SNAP91: variants seen among roughly 807,000 people sequenced by gnomAD.
SNAP91 encodes the protein clathrin coat assembly protein AP180.
SNAP91 carries 27 observed loss-of-function variants against 100.3 expected under a neutral mutation model. That is an observed-to-expected ratio of 0.27 (90% CI 0.20 to 0.37). The LOEUF is 0.37. Among genes scored for constraint, SNAP91 ranks in the 10% least tolerant of loss-of-function variants. The pLI is 1.00. For missense variants in SNAP91, 986 were observed against 1,123.7 expected (o/e 0.88, Z 1.75); for synonymous variants, 404 against 398.6 (o/e 1.01, Z -0.16).
chr6:83,611,861 TA>T (rs1349585968), intron 11 of SNAP91, among the ~76,000 whole-genome samples: 4 of 118,694 alleles, frequency 3.4e-5, no homozygotes, highest in African/African-American at 1.4e-4. Context: ...CACGCCCGGC[TA>T]ATTTTTTTTT....
Position 83,591,224 on chromosome 6 carries a change from T to C in SNAP91, c.2001A>G (p.Ala667=), listed in dbSNP as rs1562243335. The C allele has an allele frequency of 6.2e-7, 1 of 1,608,812 alleles. No individual in the cohort carries two copies. The change falls in exon 22 of 30, where the codon GCA becomes GCG. Residue 667 remains alanine, a synonymous_variant. Coordinates refer to ENST00000369694, the MANE Select transcript of SNAP91 (RefSeq NM_001242792.2). The stretch of plus-strand genomic sequence containing the variant: ...TAATTTAATTACCAGCTAGTAGGTC[T>C]GCCGATGCTGATGAACTAGAAGCAG... ...SQAASSSSAS[A]DLLAGFGGSF...
intron 2 of SNAP91, among the ~76,000 whole-genome samples, chr6:83,688,132 T>C (rs1163686808): frequency 1.3e-5 from 2 of 152,202 alleles, no homozygotes; most frequent in Admixed American, 1.3e-4. Context: ...CCATAGCCTC[T>C]GCATCAGAAT....
chr6:83,613,511 C>G (rs1440347464), intron 11 of SNAP91, among the ~76,000 whole-genome samples: 1 of 152,226 alleles, frequency 6.6e-6, no homozygotes, highest in African/African-American at 2.4e-5. Flanking sequence ...ACCAGAGGTG[C>G]TCCAATGGGG....
At chr6:83,618,992 T>TAAAAC (rs199847021) in intron 9 of SNAP91, among the ~76,000 whole-genome samples, 99 of 151,726 alleles carry the variant, frequency 6.5e-4, no homozygotes, top group Middle Eastern at 3.4e-3. Context: ...CTTAGTTACC[T>TAAAAC]AAAACAAAAC....
chr6:83,648,630 C>T (rs2098063881), intron 7 of SNAP91, among the ~76,000 whole-genome samples: 1 of 152,024 alleles, frequency 6.6e-6, no homozygotes, highest in Non-Finnish European at 1.5e-5. Flanking sequence ...TACTTGATAC[C>T]ATCAGTAGTT....
intron 8 of SNAP91, among the ~76,000 whole-genome samples, chr6:83,628,270 G>C (rs1409313004): frequency 8.0e-6 from 1 of 124,360 alleles, no homozygotes; most frequent in Non-Finnish European, 1.7e-5. Context: ...TCCATTCATT[G>C]ATAGGTAGGC....
At chr6:83,664,150 C>T (rs534558884) in intron 3 of SNAP91, among the ~76,000 whole-genome samples, 6 of 152,200 alleles carry the variant, frequency 3.9e-5, no homozygotes, top group African/African-American at 1.4e-4. Flanking sequence ...TGCACCTTGT[C>T]ACCATAAGAG....
intron 7 of SNAP91, among the ~76,000 whole-genome samples, chr6:83,645,000 T>C (rs2097858913): frequency 6.6e-6 from 1 of 152,150 alleles, no homozygotes; most frequent in Non-Finnish European, 1.5e-5. Context: ...ATTCCCAAAC[T>C]AAAGTCCCCA....
chr6:83,620,750 C>T (rs550821131), intron 9 of SNAP91, among the ~76,000 whole-genome samples: 18 of 151,406 alleles, frequency 1.2e-4, no homozygotes, highest in Non-Finnish European at 2.4e-4. Flanking sequence ...CTCGCTCTGT[C>T]GCCCAGGCTG....
In SNAP91 at chr6:83,703,158, G is replaced by T. The variant is rs79574004; in HGVS notation, c.130+4640C>A. 1.8e-3 allele frequency among the ~76,000 whole-genome samples: 163 copies of T among 90,864 alleles called. 1 individual carries two copies. The highest frequency in any genetic ancestry group is 8.6e-3 in the East Asian group (13 of 1,510). The allele number at this position is 90,864 out of a possible 152,430, so 59.6% of individuals were successfully genotyped here. A position where few individuals can be genotyped will look rare whatever the true frequency, so the allele number is the denominator to read the frequency against. On this transcript the variant is annotated intron_variant, in intron 2 of 29. Coordinates refer to ENST00000369694, the MANE Select transcript of SNAP91 (RefSeq NM_001242792.2). ...CTGGTACAGTAAAGTGAGAGGGTGT[G>T]TTTTTTTTTTTTTTTTAAACTAATA...
intron 26 of SNAP91, among the ~76,000 whole-genome samples, chr6:83,570,203 G>T (rs9350984): frequency 0.38 from 57,254 of 151,824 alleles, 11,440 homozygotes; most frequent in South Asian, 0.5. Flanking sequence ...GTAGCATTTT[G>T]CCCCTGCCCC....
At chr6:83,643,951 C>A (rs2097813056) in intron 7 of SNAP91, among the ~76,000 whole-genome samples, 1 of 152,112 alleles carries the variant, frequency 6.6e-6, no homozygotes, top group South Asian at 2.1e-4. Context: ...TGGATAAACT[C>A]ACGGTGCTAT....
At chr6:83,555,025 C>T (rs1236400380) in intron 29 of SNAP91, among the ~76,000 whole-genome samples, 1 of 152,098 alleles carries the variant, frequency 6.6e-6, no homozygotes, top group Admixed American at 6.6e-5. Flanking sequence ...ATGATTAGGG[C>T]AACATTTACT....
At chr6:83,571,599 G>A (rs1399629382) in intron 26 of SNAP91, among the ~76,000 whole-genome samples, 2 of 152,200 alleles carry the variant, frequency 1.3e-5, no homozygotes, top group Non-Finnish European at 2.9e-5. Flanking sequence ...TTGTATCTAG[G>A]AAGTAACTAA....
intron 9 of SNAP91, among the ~76,000 whole-genome samples, chr6:83,617,444 A>G (rs1361573079): frequency 6.6e-6 from 1 of 152,018 alleles, no homozygotes; most frequent in Non-Finnish European, 1.5e-5. Flanking sequence ...AAATTTGAAA[A>G]TACAGTAAAA....
chr6:83,695,577 C>T (rs1160029845), intron 2 of SNAP91, among the ~76,000 whole-genome samples: 1 of 152,130 alleles, frequency 6.6e-6, no homozygotes, highest in Non-Finnish European at 1.5e-5. Flanking sequence ...TAGAATTCAA[C>T]TTGCTGGTCA....
chr6:83,701,510 G>A (rs1263464428), intron 2 of SNAP91, among the ~76,000 whole-genome samples: 4 of 151,260 alleles, frequency 2.6e-5, no homozygotes, highest in East Asian at 1.9e-4. Context: ...ACAATGGCGC[G>A]ATCTCGGCTC....
At chr6:83,623,418 CAATT>C in intron 8 of SNAP91, 76 bp from the exon 9 acceptor site, 1 of 1,044,672 alleles carries the variant, frequency 9.6e-7, no homozygotes, top group Non-Finnish European at 1.4e-6. Context: ...ATCACCTACA[CAATT>C]AGTTTAAACA....
At chr6:83,594,309 T>C in intron 17 of SNAP91, 65 bp downstream of exon 17, 4 of 1,265,410 alleles carry the variant, frequency 3.2e-6, no homozygotes, top group Non-Finnish European at 4.5e-6. Context: ...TATGGCCTCT[T>C]CTAACTACGG....
Sources: gnomAD v4.1 joint callset for allele counts (sites outside exome capture counted in the v4.1 genomes callset) on GRCh38, gnomAD v4.1.1 for gene constraint, MANE v1.5 for transcripts, NCBI Gene and HGNC (gene_info 2026-07-23, HGNC 2026-07-21) for gene names.